Variants in NCAPH2 observed in about 807,000 individuals in gnomAD.
NCAPH2 encodes the protein non-SMC condensin II complex subunit H2.
A neutral mutation model predicts 88.6 loss-of-function variants in NCAPH2; 56 were observed. The observed-to-expected ratio is 0.63, with a 90% CI of 0.51 to 0.79. The LOEUF (loss-of-function observed/expected upper bound fraction) is 0.79, where lower values mean the gene tolerates loss of function less well. NCAPH2 is among the 30% of genes least tolerant of loss of function. NCAPH2 has a pLI of 0.00. For synonymous variants in NCAPH2, 378 were observed against 313.6 expected, an observed-to-expected ratio of 1.21 and a Z score of -2.17; for missense variants, 794 against 792.0, an observed-to-expected ratio of 1.00 and a Z score of -0.03.
chr22:50,521,761 C>T lies in NCAPH2; in HGVS notation c.1021C>T (p.Pro341Ser). 1 of 1,613,976 alleles carries T rather than the reference C, an allele frequency of 6.2e-7. No individual in the cohort carries two copies. The highest frequency in any genetic ancestry group is 8.5e-7 in the Non-Finnish European group (1 of 1,180,028). ...FKKGRPYSVP[P>S]CVEEALGQKR... ...CCCAGGTAGGCCTTACTCTGTGCCC[C>T]CCTGTGTGGAGGAGGCTCTGGGACA... The change falls in exon 12 of 20, where the codon CCC (proline) becomes TCC (serine). Residue 341 changes from proline to serine, a missense_variant. This residue lies in a region of NCAPH2 where 735 missense variants were observed against 696.3 expected (regional missense o/e 1.06). Coordinates refer to ENST00000420993, the MANE Select transcript of NCAPH2 (RefSeq NM_152299.4).
rs1047122258 is a variant in NCAPH2 at position 50,524,679 on chromosome 22, C to T, written c.*1304C>T. 11 of 679,128 alleles carry T rather than the reference C, an allele frequency of 1.6e-5. No homozygotes were observed. Among genetic ancestry groups the T allele is most frequent in the African/African-American group, 1.6e-4 (9 of 56,626 alleles). The allele number at this position is 679,128 out of a possible 1,614,324, so 42.1% of individuals were successfully genotyped here. ...ACCGCACCCTGCCCTGCACCTGCAC[C>T]TCAGCAAGGTGAACCTCTTGCTGAC... On this transcript the variant is annotated 3_prime_UTR_variant, in exon 20 of 20. Transcript: ENST00000420993.
At position 50,524,112 on chromosome 22, in the gene NCAPH2, G is replaced by T; in HGVS notation, c.*737G>T. ...GATCCAGCAGGTGGAAGTCGCCCTG[G>T]CCCACAGCTGCCTGGCGCAGGGCTT... On this transcript the variant is annotated 3_prime_UTR_variant, in exon 20 of 20. Coordinates refer to ENST00000420993, the MANE Select transcript of NCAPH2 (RefSeq NM_152299.4). 6.2e-7 allele frequency: 1 copy of T among 1,612,830 alleles called. No individual in the cohort carries two copies. Among genetic ancestry groups the T allele is most frequent in the Non-Finnish European group, 8.5e-7 (1 of 1,180,008 alleles).
intron 1 of NCAPH2, among the ~76,000 whole-genome samples, chr22:50,512,083 G>A (rs899026228): frequency 3.9e-5 from 6 of 152,182 alleles, no homozygotes; most frequent in African/African-American, 1.4e-4. Flanking sequence ...ACTGCGACTG[G>A]CCACAAGCCA....
intron 1 of NCAPH2, among the ~76,000 whole-genome samples, chr22:50,514,915 C>T (rs2068874350): frequency 6.6e-6 from 1 of 152,242 alleles, no homozygotes; most frequent in African/African-American, 2.4e-5. Flanking sequence ...ATGTTTAGAT[C>T]ATGCTCATTT....
intron 15 of NCAPH2, 25 bp from the exon 16 acceptor site, chr22:50,522,476 T>C (rs2069135129): frequency 1.2e-6 from 2 of 1,613,632 alleles, no homozygotes; most frequent in East Asian, 2.2e-5. Context: ...GCCTGCGTGC[T>C]GTTCACTCTC....
chr22:50,522,093 C>T (rs949198840), intron 13 of NCAPH2, 54 bp downstream of exon 13: 3 of 1,613,040 alleles, frequency 1.9e-6, no homozygotes, highest in African/African-American at 1.3e-5. Context: ...CCTACCTCTT[C>T]CCCCACCTGG....
At chr22:50,521,063 G>A (rs775641252) in intron 10 of NCAPH2, 27 bp downstream of exon 10, 53 of 1,548,044 alleles carry the variant, frequency 3.4e-5, no homozygotes, top group South Asian at 2.1e-4. Flanking sequence ...CCTGACCCCC[G>A]GCAGGGAGGG....
At position 50,518,693 on chromosome 22, in the gene NCAPH2, A is replaced by G. The variant is rs1355276170; in HGVS notation, c.691A>G (p.Arg231Gly). The G allele has an allele frequency of 1.9e-6, 3 of 1,609,716 alleles. No individual in the cohort carries two copies. The highest frequency in any genetic ancestry group is 2.5e-6 in the Non-Finnish European group (3 of 1,178,882). Residue 231 changes from arginine (R) to glycine (G), a missense_variant, in exon 8 of 20, where the codon AGG (arginine) becomes GGG (glycine). Coordinates refer to ENST00000420993, the MANE Select transcript of NCAPH2 (RefSeq NM_152299.4). ...EEQPMEVSVC[R>G]SPVPALGFSQ... ...GCAGCCAATGGAAGTTTCCGTGTGCAGGAGCCCTGTCCCAGCACTCGGCTT... is the reference window on the plus strand; with the variant it reads ...GCAGCCAATGGAAGTTTCCGTGTGCGGGAGCCCTGTCCCAGCACTCGGCTT...
In NCAPH2 at chr22:50,508,370, C is replaced by T. The variant is rs1246789971; in HGVS notation, c.33C>T (p.Leu11=). ...ACGTGGAGGCGCGCTTCGCCCACCTCTTGCAGCCCATCCGCGACCTCACCA... is the reference window on the plus strand; with the variant it reads ...ACGTGGAGGCGCGCTTCGCCCACCTTTTGCAGCCCATCCGCGACCTCACCA... MEDVEARFAH[L]LQPIRDLTKN... The change falls in exon 1 of 20, where the codon CTC becomes CTT. Residue 11 remains leucine (L), a synonymous_variant. Transcript: ENST00000420993. 1.3e-6 allele frequency: 2 copies of T among 1,484,710 alleles called. No individual in the cohort carries two copies. The highest frequency in any genetic ancestry group is 1.8e-6 in the Non-Finnish European group (2 of 1,121,696). 92.0% of individuals were successfully genotyped at this position (1,484,710 alleles called of 1,614,324 possible). A position where few individuals can be genotyped will look rare whatever the true frequency, so the allele number is the denominator to read the frequency against.
In NCAPH2 at chr22:50,524,659, A is replaced by C. The variant is rs1176302620; in HGVS notation, c.*1284A>C. ...CCTGGGATCACCAGCCTGTCACCGC[A>C]CCCTGCCCTGCACCTGCACCTCAGC... On this transcript the variant is annotated 3_prime_UTR_variant, in exon 20 of 20. Coordinates refer to ENST00000420993, the MANE Select transcript of NCAPH2 (RefSeq NM_152299.4). The C allele has an allele frequency of 2.9e-6, 2 of 692,594 alleles. No homozygotes were observed. Among genetic ancestry groups the C allele is most frequent in the Admixed American group, 2.0e-5 (1 of 49,158 alleles). 42.9% of individuals were successfully genotyped at this position (692,594 alleles called of 1,614,324 possible). A position where few individuals can be genotyped will look rare whatever the true frequency, so the allele number is the denominator to read the frequency against.
At chr22:50,515,867 C>T (rs747068136) in intron 1 of NCAPH2, 44 of 1,188,878 alleles carry the variant, frequency 3.7e-5, no homozygotes, top group Middle Eastern at 2.3e-4. Context: ...GAGAGCTGGT[C>T]GGGTTGGGTT....
chr22:50,516,183 C>T (rs1477809744), intron 1 of NCAPH2, among the ~76,000 whole-genome samples: 1 of 152,184 alleles, frequency 6.6e-6, no homozygotes, highest in African/African-American at 2.4e-5. Flanking sequence ...GAGGGAGCCG[C>T]TGTGCTGCCC....
chr22:50,521,065 C>T (rs1416793271), intron 10 of NCAPH2, 29 bp downstream of exon 10: 4 of 1,547,616 alleles, frequency 2.6e-6, no homozygotes, highest in Non-Finnish European at 3.5e-6. Flanking sequence ...TGACCCCCGG[C>T]AGGGAGGGAT....
chr22:50,518,218 C>T lies in NCAPH2; in HGVS notation c.586C>T (p.Pro196Ser), dbSNP rs774544738. Reference protein sequence around the residue: ...PHPRGAFMLEPEGMSPMEPAG... With the variant: ...PHPRGAFMLESEGMSPMEPAG... ...CCCCAGAGGGGCCTTCATGTTGGAG[C>T]CAGAGGGCATGTCCCCCATGGAACC... The change falls in exon 7 of 20, where the codon CCA becomes TCA. Residue 196 changes from proline (P) to serine (S), a missense_variant. Pro to Ser is a moderately conservative substitution (Grantham distance 74). Around this residue, in one of 2 missense-constraint regions of NCAPH2, gnomAD observed 735 missense variants for 696.3 expected, o/e 1.06. Transcript: ENST00000420993. 7.4e-6 allele frequency: 12 copies of T among 1,613,990 alleles called. No homozygotes were observed. The highest frequency in any genetic ancestry group is 2.2e-5 in the East Asian group (1 of 44,886).
At position 50,522,221 on chromosome 22, in the gene NCAPH2, G is replaced by A; in HGVS notation, c.1203G>A (p.Leu401=). The A allele has an allele frequency of 6.2e-7, 1 of 1,613,896 alleles. No individual in the cohort carries two copies. The highest frequency in any genetic ancestry group is 8.5e-7 in the Non-Finnish European group (1 of 1,179,978). ...ACTGGACACACGTGAAGGAGCAGTT[G>A]GAAACTCTCCGGAAGCTGCAGAGGA... ...VLYWTHVKEQ[L]ETLRKLQRRE... Residue 401 remains leucine, a synonymous_variant, in exon 14 of 20, where the codon TTG becomes TTA. Transcript: ENST00000420993.
chr22:50,521,420 G>T, intron 10 of NCAPH2, 123 bp from the exon 11 acceptor site: 2 of 1,001,814 alleles, frequency 2.0e-6, no homozygotes, highest in Non-Finnish European at 3.1e-6. Context: ...CTCCTCCTTT[G>T]GGAGCGCGGC....
At position 50,518,292 on chromosome 22, in the gene NCAPH2, T is replaced by C. The variant is rs1473575371; in HGVS notation, c.646+14T>C. 6.2e-7 allele frequency: 1 copy of C among 1,609,730 alleles called. No homozygotes were observed. ...GGACCCAGAAGGGTGAGGGCTTGGATGCGGGGGGCTTGGTGGGAAGGAAGG... is the reference window on the plus strand; with the variant it reads ...GGACCCAGAAGGGTGAGGGCTTGGACGCGGGGGGCTTGGTGGGAAGGAAGG... On this transcript the variant is annotated intron_variant, in intron 7 of 19. Coordinates refer to ENST00000420993, the MANE Select transcript of NCAPH2 (RefSeq NM_152299.4).
At position 50,523,131 on chromosome 22, in the gene NCAPH2, G is replaced by C; in HGVS notation, c.1642G>C (p.Glu548Gln). The C allele has an allele frequency of 6.2e-7, 1 of 1,613,576 alleles. No homozygotes were observed. The highest frequency in any genetic ancestry group is 8.5e-7 in the Non-Finnish European group (1 of 1,179,836). The change falls in exon 19 of 20, where the codon GAG becomes CAG. Residue 548 changes from glutamate (E) to glutamine (Q), a missense_variant. By Grantham distance (29) the Glu-to-Gln change is conservative (BLOSUM62 2). Around this residue, in one of 2 missense-constraint regions of NCAPH2, gnomAD observed 735 missense variants for 696.3 expected, o/e 1.06. Coordinates refer to ENST00000420993, the MANE Select transcript of NCAPH2 (RefSeq NM_152299.4). The part of the protein sequence containing the change: ...AELVAGQPAF[E>Q]VCRSMLASLQ... ...GCTGGTGGCTGGCCAGCCGGCCTTC[G>C]AGGTGTGTCGTTCCATGCTGGCCTC... is the stretch of plus-strand genomic sequence containing the variant.
At chr22:50,517,354 G>A (rs1013426189) in intron 2 of NCAPH2, 73 bp from the exon 3 acceptor site, 15 of 1,522,878 alleles carry the variant, frequency 9.8e-6, no homozygotes, top group East Asian at 4.5e-5. Context: ...TGGGGGCACC[G>A]ATGGATAGCT....
Sources: allele counts gnomAD v4.1 joint callset (sites outside exome capture counted in the v4.1 genomes callset), GRCh38; gene constraint gnomAD v4.1.1; regional missense constraint gnomAD v4.1.1; transcripts MANE v1.5; gene names NCBI Gene and HGNC (gene_info 2026-07-23, HGNC 2026-07-21).